Variants in NDUFAF2 observed in about 807,000 individuals in gnomAD.
NDUFAF2 encodes the protein NADH:ubiquinone oxidoreductase complex assembly factor 2.
NDUFAF2 carries 13 observed loss-of-function variants against 22.8 expected under a neutral mutation model. That is an observed-to-expected ratio of 0.57 (90% confidence interval 0.37 to 0.91). The LOEUF is 0.91. Among genes scored for constraint, NDUFAF2 ranks in the 40% least tolerant of loss-of-function variants. The pLI, the probability that NDUFAF2 is intolerant of heterozygous loss-of-function variation, is 0.01. For missense variants in NDUFAF2, 162 were observed against 195.2 expected (o/e 0.83, Z 1.01); for synonymous variants, 53 against 64.2 (o/e 0.83, Z 0.84).
intron 2 of NDUFAF2, among the ~76,000 whole-genome samples, chr5:61,093,384 G>A (rs191983019): frequency 3.7e-4 from 56 of 152,208 alleles, no homozygotes; most frequent in African/African-American, 1.2e-3. Flanking sequence ...TCCATATATC[G>A]GCAGTGGATT....
In NDUFAF2 at chr5:61,104,263, C is replaced by T. The variant is rs77360451; in HGVS notation, c.258+5231C>T. Among the ~76,000 whole-genome samples, 1,519 of 152,106 alleles carry T rather than the reference C, an allele frequency of 1.0e-2. 24 individuals carry two copies. The highest frequency in any genetic ancestry group is 0.034 in the African/African-American group (1,420 of 41,512). ...GTCCTAACTCTATTCCATTAGAAGC[C>T]ACTTATAGCAAATACTTTGAAATAT... On this transcript the variant is annotated intron_variant, in intron 3 of 3. Transcript: ENST00000296597.
At chr5:60,981,421 A>G (rs2263514) in intron 1 of NDUFAF2, among the ~76,000 whole-genome samples, 96,635 of 152,032 alleles carry the variant, frequency 0.64, 31,146 homozygotes, top group East Asian at 0.94. Context: ...TGTTGTATGA[A>G]AAATGCTAAA....
chr5:61,103,889 C>T (rs1344743126), intron 3 of NDUFAF2, among the ~76,000 whole-genome samples: 2 of 151,928 alleles, frequency 1.3e-5, no homozygotes, highest in Non-Finnish European at 2.9e-5. Flanking sequence ...TTCTGAGTAC[C>T]CATACAGCCA....
chr5:60,960,568 T>C (rs1004615960), intron 1 of NDUFAF2, among the ~76,000 whole-genome samples: 3 of 152,164 alleles, frequency 2.0e-5, no homozygotes, highest in Non-Finnish European at 4.4e-5. Flanking sequence ...TGACTTACTC[T>C]GCAAGAGTTG....
At chr5:60,999,157 G>T (rs1338292265) in intron 1 of NDUFAF2, among the ~76,000 whole-genome samples, 1 of 151,932 alleles carries the variant, frequency 6.6e-6, no homozygotes, top group Non-Finnish European at 1.5e-5. Flanking sequence ...ACTAGATATT[G>T]ATTGTTTGAT....
chr5:60,982,412 G>C (rs1031715854), intron 1 of NDUFAF2, among the ~76,000 whole-genome samples: 1 of 151,776 alleles, frequency 6.6e-6, no homozygotes, highest in African/African-American at 2.4e-5. Flanking sequence ...TAAATTTTTT[G>C]TTATACTTTA....
intron 1 of NDUFAF2, among the ~76,000 whole-genome samples, chr5:61,040,286 A>ACACACACACGCGCGCGCGCGCGCG (rs1491193758): frequency 1.5e-4 from 14 of 93,066 alleles, no homozygotes; most frequent in African/African-American, 6.1e-4. Context: ...ACACACACAC[A>ACACACACACGCGCGCGCGCGCGCG]CGCGCGCGCG....
intron 1 of NDUFAF2, among the ~76,000 whole-genome samples, chr5:60,973,620 A>T (rs1310986904): frequency 6.6e-6 from 1 of 152,176 alleles, no homozygotes; most frequent in African/African-American, 2.4e-5. Flanking sequence ...AACGTAAGTT[A>T]TGCAGTAGTT....
chr5:61,027,239 T>G (rs1751661854), intron 1 of NDUFAF2, among the ~76,000 whole-genome samples: 2 of 151,774 alleles, frequency 1.3e-5, no homozygotes, highest in Admixed American at 6.6e-5. Context: ...TATAAACTAT[T>G]GTAATTGGAA....
chr5:61,145,656 CAT>C (rs1741127965), intron 3 of NDUFAF2, among the ~76,000 whole-genome samples: 1 of 152,182 alleles, frequency 6.6e-6, no homozygotes, highest in Non-Finnish European at 1.5e-5. Context: ...CCTATAACAA[CAT>C]AAACAACTCA....
intron 2 of NDUFAF2, among the ~76,000 whole-genome samples, chr5:61,073,728 C>G (rs1459482382): frequency 6.6e-6 from 1 of 152,142 alleles, no homozygotes; most frequent in Non-Finnish European, 1.5e-5. Context: ...CGATCCCTTT[C>G]CTAAGACTTT....
chr5:60,993,099 G>C (rs1751182298), intron 1 of NDUFAF2, among the ~76,000 whole-genome samples: 6 of 152,242 alleles, frequency 3.9e-5, no homozygotes, highest in Admixed American at 3.9e-4. Flanking sequence ...GTGAGCTAGT[G>C]AGTGTGAGGT....
chr5:60,964,878 A>G (rs1750734534), intron 1 of NDUFAF2, among the ~76,000 whole-genome samples: 5 of 152,030 alleles, frequency 3.3e-5, no homozygotes, highest in Admixed American at 3.3e-4. Context: ...GACTCTGGTA[A>G]CTCCTCCTGT....
chr5:61,012,813 A>G (rs1471393489), intron 1 of NDUFAF2, among the ~76,000 whole-genome samples: 1 of 152,114 alleles, frequency 6.6e-6, no homozygotes. Context: ...AATATAAAAC[A>G]TTTTACAAAG....
At chr5:61,114,316 ACT>A (rs1356530439) in intron 3 of NDUFAF2, 1 of 151,458 alleles carries the variant, frequency 6.6e-6, no homozygotes, top group Non-Finnish European at 1.5e-5. Context: ...CTGTTAAGAG[ACT>A]CTGATGCATT....
chr5:60,999,379 C>G (rs573447097), intron 1 of NDUFAF2, among the ~76,000 whole-genome samples: 1 of 152,176 alleles, frequency 6.6e-6, no homozygotes, highest in South Asian at 2.1e-4. Context: ...GAACATTGTT[C>G]AGCCATAAAA....
chr5:60,983,158 G>C (rs1751012020), intron 1 of NDUFAF2, among the ~76,000 whole-genome samples: 2 of 150,778 alleles, frequency 1.3e-5, no homozygotes, highest in Non-Finnish European at 1.5e-5. Context: ...CAGTGATGAT[G>C]AGCATTTTTT....
chr5:61,071,910 T>G (rs1175062761), intron 1 of NDUFAF2, among the ~76,000 whole-genome samples: 2 of 152,222 alleles, frequency 1.3e-5, no homozygotes, highest in African/African-American at 4.8e-5. Context: ...TAATGAAGAC[T>G]TTCTGAAAAC....
intron 3 of NDUFAF2, among the ~76,000 whole-genome samples, chr5:61,139,234 TAG>T (rs1741014642): frequency 6.6e-6 from 1 of 152,198 alleles, no homozygotes; most frequent in Non-Finnish European, 1.5e-5. Context: ...CAGTACACTG[TAG>T]AGTGTGGATT....
Sources: allele counts gnomAD v4.1 joint callset (sites outside exome capture counted in the v4.1 genomes callset), GRCh38; gene constraint gnomAD v4.1.1; transcripts MANE v1.5; gene names NCBI Gene and HGNC (gene_info 2026-07-23, HGNC 2026-07-21).